The following TBC1D10C variants were observed in gnomAD, a reference collection of about 807,000 sequenced individuals.
The protein encoded by TBC1D10C is carabin.
Under a neutral mutation model 51.0 loss-of-function variants are expected in TBC1D10C, and 49 were observed. The ratio of observed to expected loss-of-function variants is 0.96; its 90% confidence interval spans 0.76 to 1.22. The LOEUF is 1.22. Ranked by LOEUF, TBC1D10C falls within the 50% of genes most tolerant of loss-of-function variation. The probability of loss-of-function intolerance (pLI) is 0.00; values close to 1 mark genes in which losing one functional copy is unlikely to be tolerated. For synonymous variants in TBC1D10C, 281 were observed against 266.7 expected, an observed-to-expected ratio of 1.05 and a Z score of -0.52; for missense variants, 541 against 617.5, an observed-to-expected ratio of 0.88 and a Z score of 1.31.
chr11:67,405,592 C>G lies in TBC1D10C; in HGVS notation c.361-3C>G. 1 of 1,614,028 alleles carries G rather than the reference C, an allele frequency of 6.2e-7. No individual in the cohort carries two copies. Among genetic ancestry groups the G allele is most frequent in the Middle Eastern group, 1.6e-4 (1 of 6,062 alleles). ...TCACACCCACCTTCCTGGCTACCCA[C>G]AGGAGCTGGCAGAGGCCCCTGGAGA... On this transcript the variant is annotated splice_polypyrimidine_tract_variant and splice_region_variant and intron_variant, in intron 3 of 8. Transcript: ENST00000542590.
At chr11:67,407,179 A>C (rs1329369058) in intron 7 of TBC1D10C, 163 bp downstream of exon 7, 1 of 865,550 alleles carries the variant, frequency 1.2e-6, no homozygotes, top group African/African-American at 1.7e-5. Context: ...CCCATCACCC[A>C]GGCACCGCCT....
At chr11:67,408,836 C>T (rs1405581060) in intron 7 of TBC1D10C, 143 bp from the exon 8 acceptor site, 3 of 1,138,422 alleles carry the variant, frequency 2.6e-6, no homozygotes, top group African/African-American at 3.3e-5. Context: ...ACCCGAAATG[C>T]AACTCCACCC....
At chr11:67,407,287 G>T in intron 7 of TBC1D10C, 1 of 428,604 alleles carries the variant, frequency 2.3e-6, no homozygotes, top group Non-Finnish European at 4.2e-6. Flanking sequence ...AGGGACAGTA[G>T]GAGGCGTTCC....
chr11:67,408,848 C>T (rs1863307151), intron 7 of TBC1D10C, 131 bp from the exon 8 acceptor site: 22 of 1,240,948 alleles, frequency 1.8e-5, no homozygotes, highest in Non-Finnish European at 2.2e-5. Flanking sequence ...ACTCCACCCT[C>T]TGTCATTGTT....
At position 67,406,031 on chromosome 11, in the gene TBC1D10C, ACCC is replaced by A. The variant is rs760105070; in HGVS notation, c.582+15_582+17del. On this transcript the variant is annotated intron_variant, in intron 5 of 8. Coordinates refer to ENST00000542590, the MANE Select transcript of TBC1D10C (RefSeq NM_001369496.1). ...CTGCCCCCAGAGGTGAGTGACCTTG[ACCC>A]TGCTCTGGGAACCCTAGTGACCTAG... 113 of 1,542,304 alleles carry A rather than the reference ACCC, an allele frequency of 7.3e-5. No individual in the cohort carries two copies. The East Asian group carries it at 2.5e-3, about 35-fold the overall frequency.
Position 67,406,840 on chromosome 11 carries a change from T to C in TBC1D10C, c.662T>C (p.Leu221Pro). 1.9e-6 allele frequency: 3 copies of C among 1,608,824 alleles called. No homozygotes were observed. The highest frequency in any genetic ancestry group is 1.7e-6 in the Non-Finnish European group (2 of 1,178,378). Residue 221 changes from leucine to proline, a missense_variant, in exon 7 of 9, where the codon CTG becomes CCG. Physicochemically the swap from Leu to Pro is moderately conservative, Grantham distance 98. Transcript: ENST00000542590. ...YYGPHMEAVR[L>P]DAEVFMALLR... is the part of the protein sequence containing the mutation. ...ACGTGGCCACAGGAGGCTGTGCGGC[T>C]GGACGCCGAGGTGTTCATGGCCCTG...
chr11:67,407,332 C>G, intron 7 of TBC1D10C: 2 of 330,776 alleles, frequency 6.0e-6, no homozygotes, highest in Non-Finnish European at 1.1e-5. Context: ...TGGGTGCTCA[C>G]TGGCTCCAGA....
In TBC1D10C at chr11:67,405,993, G is replaced by A; in HGVS notation, c.558G>A (p.Val186=). Residue 186 remains valine (V), a synonymous_variant, in exon 5 of 9, where the codon GTG becomes GTA. Coordinates refer to ENST00000542590, the MANE Select transcript of TBC1D10C (RefSeq NM_001369496.1). ...AGGCCCAGGGGCCCGTGGCTGCTGT[G>A]CTGCTCATGCACCTGCCCCCAGAGG... is the stretch of plus-strand genomic sequence containing the variant. The part of the protein sequence containing the change: ...YCQAQGPVAA[V]LLMHLPPEEA... 1.2e-6 allele frequency: 2 copies of A among 1,602,034 alleles called. No homozygotes were observed. Among genetic ancestry groups the A allele is most frequent in the Admixed American group, 3.5e-5 (2 of 57,200 alleles).
intron 1 of TBC1D10C, 27 bp from the exon 2 acceptor site, chr11:67,405,058 C>A (rs373116904): frequency 8.4e-6 from 13 of 1,542,944 alleles, no homozygotes; most frequent in Non-Finnish European, 1.1e-5. Context: ...TGCCCAGCGT[C>A]TGGATACCTG....
At chr11:67,405,859 G>A in intron 4 of TBC1D10C, 44 bp from the exon 5 acceptor site, 1 of 1,553,146 alleles carries the variant, frequency 6.4e-7, no homozygotes, top group South Asian at 1.2e-5. Context: ...GGTGGAGAAG[G>A]GGGTGCCTGC....
chr11:67,409,932 GGA>G lies in TBC1D10C; in HGVS notation c.*180_*181del. On this transcript the variant is annotated 3_prime_UTR_variant, in exon 9 of 9. Coordinates refer to ENST00000542590, the MANE Select transcript of TBC1D10C (RefSeq NM_001369496.1). ...TACATACTGGGTCAGGCACTAGCAT[GGA>G]GGAGGGTCACAGAGTGGGGCACGTG... is the stretch of plus-strand genomic sequence containing the variant. 1.6e-6 allele frequency: 1 copy of G among 609,920 alleles called. No individual in the cohort carries two copies. The highest frequency in any genetic ancestry group is 2.1e-5 in the South Asian group (1 of 47,966). The allele number at this position is 609,920 out of a possible 1,614,324, so 37.8% of individuals were successfully genotyped here.
intron 4 of TBC1D10C, 61 bp downstream of exon 4, chr11:67,405,762 CTT>C (rs1456450057): frequency 6.3e-7 from 1 of 1,594,250 alleles, no homozygotes; most frequent in Non-Finnish European, 8.6e-7. Flanking sequence ...CTCCAGCCCA[CTT>C]TCCCTAGCCC....
Position 67,409,547 on chromosome 11 carries a change from G to A in TBC1D10C, c.1134G>A (p.Gln378=). The A allele has an allele frequency of 6.5e-7, 1 of 1,548,840 alleles. No homozygotes were observed. The part of the protein sequence containing the change: ...LAGAQAIFEA[Q]QLAGVRRGAK... Reference sequence around the variant, plus strand: ...GGGCCCAAGCCATCTTTGAGGCCCAGCAGCTGGCAGGAGTGCGACGAGGCG... The same window carrying A: ...GGGCCCAAGCCATCTTTGAGGCCCAACAGCTGGCAGGAGTGCGACGAGGCG... The change falls in exon 9 of 9, where the codon CAG becomes CAA. Residue 378 remains glutamine (Q), a synonymous_variant. Coordinates refer to ENST00000542590, the MANE Select transcript of TBC1D10C (RefSeq NM_001369496.1).
chr11:67,407,271 C>G (rs1343545114), intron 7 of TBC1D10C: 2 of 491,026 alleles, frequency 4.1e-6, no homozygotes, highest in Non-Finnish European at 7.2e-6. Context: ...GAGGCCTGAG[C>G]TTCTCAGGGA....
intron 8 of TBC1D10C, 64 bp from the exon 9 acceptor site, chr11:67,409,343 G>A: frequency 6.7e-7 from 1 of 1,499,162 alleles, no homozygotes; most frequent in Non-Finnish European, 9.0e-7. Context: ...CTGGGCTGGG[G>A]ACCTCACAGT....
chr11:67,404,923 C>A, intron 1 of TBC1D10C, 162 bp from the exon 2 acceptor site: 1 of 622,268 alleles, frequency 1.6e-6, no homozygotes, highest in Non-Finnish European at 2.8e-6. Context: ...TTCCTGTCCC[C>A]GTGACAAGCA....
chr11:67,405,858 G>A, intron 4 of TBC1D10C, 45 bp from the exon 5 acceptor site: 4 of 1,552,716 alleles, frequency 2.6e-6, no homozygotes, highest in Non-Finnish European at 3.5e-6. Context: ...GGGTGGAGAA[G>A]GGGGTGCCTG....
chr11:67,405,555 C>T lies in TBC1D10C; in HGVS notation c.361-40C>T, dbSNP rs749517949. 1.3e-5 allele frequency: 21 copies of T among 1,613,594 alleles called. No homozygotes were observed. In the South Asian group the frequency reaches 2.3e-4, roughly 18 times the overall value. ...AATTCCCCTACCCAGAGCCCCTCAC[C>T]ACACTGAACCCTCACACCCACCTTC... is the stretch of plus-strand genomic sequence containing the variant. On this transcript the variant is annotated intron_variant, in intron 3 of 8. Transcript: ENST00000542590.
At chr11:67,408,869 G>A in intron 7 of TBC1D10C, 110 bp from the exon 8 acceptor site, 1 of 1,364,718 alleles carries the variant, frequency 7.3e-7, no homozygotes, top group Non-Finnish European at 9.7e-7. Flanking sequence ...CCTGAACCGG[G>A]GAGGGCAGAG....
Sources: allele counts gnomAD v4.1 joint callset, GRCh38; gene constraint gnomAD v4.1.1; transcripts MANE v1.5; gene names NCBI Gene and HGNC (gene_info 2026-07-23, HGNC 2026-07-21).